The following PCDHA1 variants were observed in gnomAD, a reference collection of about 807,000 sequenced individuals.
PCDHA1 encodes protocadherin alpha 1.
PCDHA1 carries 42 observed loss-of-function variants against 61.3 expected under a neutral mutation model. The observed-to-expected ratio is 0.69, with a 90% CI of 0.54 to 0.89. PCDHA1 has a LOEUF of 0.89. Among genes scored for constraint, PCDHA1 ranks in the 40% least tolerant of loss-of-function variants. PCDHA1 has a pLI of 0.00. For synonymous variants in PCDHA1, 610 were observed against 553.8 expected (o/e 1.10, Z -1.43); for missense variants, 1,256 against 1,235.3 (o/e 1.02, Z -0.25).
At chr5:140,855,460 A>T (rs2150336256) in intron 1 of PCDHA1, among the ~76,000 whole-genome samples, 1 of 150,080 alleles carries the variant, frequency 6.7e-6, no homozygotes, top group African/African-American at 2.4e-5. Context: ...TAAACACCTC[A>T]CAGATAGTTG....
intron 1 of PCDHA1, chr5:140,830,531 A>G (rs1369304780): frequency 3.9e-6 from 5 of 1,283,804 alleles, no homozygotes; most frequent in Non-Finnish European, 5.2e-6. Flanking sequence ...TTTTAAATTT[A>G]TAATTGTTTT....
chr5:140,890,192 T>G (rs2062533503), intron 1 of PCDHA1, among the ~76,000 whole-genome samples: 1 of 151,744 alleles, frequency 6.6e-6, no homozygotes, highest in South Asian at 2.1e-4. Flanking sequence ...CAAAACAGAG[T>G]TTTTTGTTTT....
chr5:140,975,156 G>A (rs1404839334), intron 1 of PCDHA1, among the ~76,000 whole-genome samples: 15 of 152,174 alleles, frequency 9.9e-5, no homozygotes, highest in Non-Finnish European at 2.1e-4. Context: ...AGTTCCTAGA[G>A]AACTGAGGAC....
At chr5:140,876,662 T>C in intron 1 of PCDHA1, 1 of 1,614,232 alleles carries the variant, frequency 6.2e-7, no homozygotes, top group Non-Finnish European at 8.5e-7. Flanking sequence ...CCCTTCAAGC[T>C]GGTGTCCACC....
chr5:140,994,303 C>T (rs13163241), intron 3 of PCDHA1, among the ~76,000 whole-genome samples: 9,825 of 152,220 alleles, frequency 0.065, 357 homozygotes, highest in East Asian at 0.12. Flanking sequence ...ATTGTTTTCA[C>T]AGGGCCCAAA....
At chr5:140,902,125 A>G (rs530625414) in intron 1 of PCDHA1, among the ~76,000 whole-genome samples, 27 of 150,728 alleles carry the variant, frequency 1.8e-4, no homozygotes, top group African/African-American at 6.1e-4. Context: ...CTGAGATTAT[A>G]TCATCTGCAA....
Position 140,951,753 on chromosome 5 carries a change from C to T in PCDHA1, c.2395-27196C>T, listed in dbSNP as rs140119406. ...ATTCTGCCACTGCCCTCACCCTCCGCGAAATCTCATGACGTTCTTACATTG... is the reference window on the plus strand; with the variant it reads ...ATTCTGCCACTGCCCTCACCCTCCGTGAAATCTCATGACGTTCTTACATTG... On this transcript the variant is annotated intron_variant, in intron 1 of 3. Transcript: ENST00000504120. Among the ~76,000 whole-genome samples the T allele has an allele frequency of 7.0e-3, 1,059 of 152,208 alleles. 11 individuals are homozygous for T. The highest frequency in any genetic ancestry group is 0.014 in the Admixed American group (209 of 15,290).
rs2150239032 is a variant in PCDHA1 at position 140,835,597 on chromosome 5, A to G, written c.2394+46913A>G. The G allele has an allele frequency of 3.1e-6, 5 of 1,613,762 alleles. No individual in the cohort carries two copies. Among genetic ancestry groups the G allele is most frequent in the East Asian group, 2.2e-5 (1 of 44,812 alleles). On this transcript the variant is annotated intron_variant, in intron 1 of 3. Coordinates refer to ENST00000504120, the MANE Select transcript of PCDHA1 (RefSeq NM_018900.4). ...TTGGTGTCCACCTTCAAGAATTACT[A>G]TTCATTGGTGCTGGACAGCGCTCTG...
intron 1 of PCDHA1, chr5:140,875,190 C>T (rs2055337617): frequency 4.0e-6 from 2 of 496,884 alleles, no homozygotes; most frequent in Admixed American, 4.0e-5. Flanking sequence ...TTAAGAGTGA[C>T]CCAGGAAGTG....
intron 1 of PCDHA1, chr5:140,849,281 T>A: frequency 8.4e-7 from 1 of 1,191,174 alleles, no homozygotes; most frequent in Non-Finnish European, 1.2e-6. Flanking sequence ...CGCTGGTGAT[T>A]CACCCCAATG....
At chr5:140,907,411 GA>G (rs1435126945) in intron 1 of PCDHA1, among the ~76,000 whole-genome samples, 1 of 152,192 alleles carries the variant, frequency 6.6e-6, no homozygotes, top group Non-Finnish European at 1.5e-5. Flanking sequence ...GGAATACCAC[GA>G]TGGTGGATAA....
At chr5:140,803,976 G>T in intron 1 of PCDHA1, 2 of 309,834 alleles carry the variant, frequency 6.5e-6, no homozygotes, top group South Asian at 4.7e-5. Context: ...TTTTCATTTG[G>T]ACTTCCTACT....
intron 1 of PCDHA1, chr5:140,857,871 A>G (rs2044971374): frequency 6.3e-7 from 1 of 1,597,628 alleles, no homozygotes. Flanking sequence ...TGGCTGTCGT[A>G]TGAATTGCAG....
At chr5:140,837,472 C>T (rs1775069737) in intron 1 of PCDHA1, among the ~76,000 whole-genome samples, 1 of 151,298 alleles carries the variant, frequency 6.6e-6, no homozygotes, top group South Asian at 2.1e-4. Flanking sequence ...CTCCTCAAAC[C>T]CCAAACCATT....
intron 1 of PCDHA1, chr5:140,802,594 A>AGAACACCCCGTGAAGGT (rs1762961060): frequency 6.2e-7 from 1 of 1,613,690 alleles, no homozygotes; most frequent in African/African-American, 1.3e-5. Context: ...TTCGTGAAGG[A>AGAACACCCCGTGAAGGT]GAACAACCCG....
intron 1 of PCDHA1, among the ~76,000 whole-genome samples, chr5:140,942,639 G>C (rs923095335): frequency 1.3e-5 from 2 of 151,806 alleles, no homozygotes; most frequent in African/African-American, 2.4e-5. Flanking sequence ...AATGGCAAAA[G>C]AGATCTCATT....
chr5:140,830,166 C>A, intron 1 of PCDHA1: 1 of 1,613,518 alleles, frequency 6.2e-7, no homozygotes, highest in Non-Finnish European at 8.5e-7. Context: ...CCAGAGGCGG[C>A]GCTGGTGGAT....
chr5:140,868,044 A>G (rs1224087993), intron 1 of PCDHA1: 1 of 152,140 alleles, frequency 6.6e-6, no homozygotes, highest in Non-Finnish European at 1.5e-5. Flanking sequence ...TGGAAATACC[A>G]ATATGGCACA....
chr5:140,930,668 T>C (rs2087022080), intron 1 of PCDHA1, among the ~76,000 whole-genome samples: 1 of 152,216 alleles, frequency 6.6e-6, no homozygotes, highest in South Asian at 2.1e-4. Flanking sequence ...GTTTTACTAT[T>C]CTAGGCAATA....
Sources: allele counts gnomAD v4.1 joint callset (sites outside exome capture counted in the v4.1 genomes callset), GRCh38; gene constraint gnomAD v4.1.1; transcripts MANE v1.5; gene names NCBI Gene and HGNC (gene_info 2026-07-23, HGNC 2026-07-21).